DOK6: variants seen among roughly 807,000 people sequenced by gnomAD.
DOK6 encodes docking protein 6, also known as downstream of tyrosine kinase 6.
DOK6 carries 22 observed loss-of-function variants against 44.0 expected under a neutral mutation model. The observed-to-expected ratio is 0.50, with a 90% CI of 0.36 to 0.71. DOK6 has a LOEUF of 0.71. Among genes scored for constraint, DOK6 ranks in the 30% least tolerant of loss-of-function variants. The pLI is 0.00. For missense variants in DOK6, 340 were observed against 416.4 expected (o/e 0.82, Z 1.60); for synonymous variants, 166 against 145.5 (o/e 1.14, Z -1.01).
chr18:69,576,648 G>A (rs940994798), intron 2 of DOK6, among the ~76,000 whole-genome samples: 2 of 152,084 alleles, frequency 1.3e-5, no homozygotes, highest in South Asian at 2.1e-4. Flanking sequence ...CTATAAAATG[G>A]TATATACTTT....
intron 1 of DOK6, among the ~76,000 whole-genome samples, chr18:69,475,651 A>T (rs1024088273): frequency 1.3e-5 from 2 of 152,192 alleles, no homozygotes; most frequent in African/African-American, 4.8e-5. Context: ...CAAGCTATGT[A>T]TCTTGAAAAT....
rs114046488 is a variant in DOK6 at position 69,528,849 on chromosome 18, C to A, written c.67-35638C>A. Among the ~76,000 whole-genome samples the A allele has an allele frequency of 3.9e-3, 590 of 152,276 alleles. 5 individuals are homozygous for A. Among genetic ancestry groups the A allele is most frequent in the African/African-American group, 0.013 (556 of 41,550 alleles). On this transcript the variant is annotated intron_variant, in intron 1 of 7. Transcript: ENST00000382713. ...TGCTTATGTTTTTACTGAGTCTCACCTTTTGCTAAACAAGGTGAAAACAGA... is the reference window on the plus strand; with the variant it reads ...TGCTTATGTTTTTACTGAGTCTCACATTTTGCTAAACAAGGTGAAAACAGA...
At chr18:69,626,083 A>T (rs886846182) in intron 3 of DOK6, among the ~76,000 whole-genome samples, 6 of 152,244 alleles carry the variant, frequency 3.9e-5, no homozygotes, top group African/African-American at 1.4e-4. Flanking sequence ...ATTCCCAAGC[A>T]GAGAAACTTA....
chr18:69,779,922 T>C (rs1157470441), intron 7 of DOK6, among the ~76,000 whole-genome samples: 1 of 152,100 alleles, frequency 6.6e-6, no homozygotes, highest in African/African-American at 2.4e-5. Flanking sequence ...CACAGTTTCA[T>C]GAAAAAAATA....
At position 69,666,067 on chromosome 18, in the gene DOK6, C is replaced by T. The variant is rs569625289; in HGVS notation, c.290-11667C>T. On this transcript the variant is annotated intron_variant, in intron 3 of 7. Coordinates refer to ENST00000382713, the MANE Select transcript of DOK6 (RefSeq NM_152721.6). ...TTTTATTGGTATTGACTTGGAGTTGCGAAGCAGTTGCCTTTTTCAACCTCG... is the reference window on the plus strand; with the variant it reads ...TTTTATTGGTATTGACTTGGAGTTGTGAAGCAGTTGCCTTTTTCAACCTCG... 3.3e-5 allele frequency among the ~76,000 whole-genome samples: 5 copies of T among 152,252 alleles called. No individual in the cohort carries two copies. In the South Asian group the frequency reaches 8.3e-4, roughly 25 times the overall value.
chr18:69,463,294 G>A (rs536071051), intron 1 of DOK6, among the ~76,000 whole-genome samples: 10 of 151,662 alleles, frequency 6.6e-5, no homozygotes, highest in African/African-American at 1.5e-4. Context: ...CAGCATCACC[G>A]TGGCGATTAG....
chr18:69,511,703 G>A (rs1334730990), intron 1 of DOK6, among the ~76,000 whole-genome samples: 2 of 152,168 alleles, frequency 1.3e-5, no homozygotes, highest in East Asian at 3.8e-4. Context: ...CATCCCATCT[G>A]TAAATTTATA....
intron 7 of DOK6, among the ~76,000 whole-genome samples, chr18:69,840,474 C>A (rs941688687): frequency 1.3e-5 from 2 of 152,236 alleles, no homozygotes; most frequent in African/African-American, 2.4e-5. Flanking sequence ...GCATGCGTTT[C>A]TCTGTACATT....
chr18:69,625,501 T>C (rs537561129), intron 3 of DOK6, among the ~76,000 whole-genome samples: 5 of 152,322 alleles, frequency 3.3e-5, no homozygotes, highest in African/African-American at 1.2e-4. Flanking sequence ...AGATACATCA[T>C]GTCTATTATT....
chr18:69,629,785 T>G (rs1433672591), intron 3 of DOK6, among the ~76,000 whole-genome samples: 4 of 151,744 alleles, frequency 2.6e-5, no homozygotes, highest in Non-Finnish European at 4.4e-5. Flanking sequence ...GTTTGTTTGT[T>G]TTTGTTTGTT....
At chr18:69,750,151 G>A (rs1979128604) in intron 6 of DOK6, among the ~76,000 whole-genome samples, 1 of 151,082 alleles carries the variant, frequency 6.6e-6, no homozygotes, top group Non-Finnish European at 1.5e-5. Flanking sequence ...AGATATTAAT[G>A]GATGATGAAC....
chr18:69,576,293 T>C (rs1248877267), intron 2 of DOK6, among the ~76,000 whole-genome samples: 3 of 152,154 alleles, frequency 2.0e-5, no homozygotes, highest in Non-Finnish European at 4.4e-5. Context: ...AACTGTTCTA[T>C]TTGTGAGTGT....
intron 5 of DOK6, among the ~76,000 whole-genome samples, chr18:69,712,483 C>A (rs557868469): frequency 6.6e-6 from 1 of 151,936 alleles, no homozygotes; most frequent in South Asian, 2.1e-4. Context: ...GAAAGAACAC[C>A]TAGACAGATA....
chr18:69,575,052 C>T (rs561732861), intron 2 of DOK6, among the ~76,000 whole-genome samples: 1 of 152,066 alleles, frequency 6.6e-6, no homozygotes, highest in East Asian at 1.9e-4. Flanking sequence ...CCTAGGCTTC[C>T]CTACTGCACA....
chr18:69,696,468 A>G (rs1433889943), intron 4 of DOK6, among the ~76,000 whole-genome samples: 2 of 152,216 alleles, frequency 1.3e-5, no homozygotes, highest in Non-Finnish European at 2.9e-5. Flanking sequence ...ATTTAGTGGC[A>G]TTTTGGCAAT....
intron 7 of DOK6, among the ~76,000 whole-genome samples, chr18:69,831,677 T>A (rs1285612419): frequency 6.6e-6 from 1 of 152,118 alleles, no homozygotes; most frequent in Non-Finnish European, 1.5e-5. Flanking sequence ...ACAAATCTAC[T>A]TAAGGTCATG....
At chr18:69,776,445 T>C (rs1599319700) in intron 7 of DOK6, among the ~76,000 whole-genome samples, 2 of 152,034 alleles carry the variant, frequency 1.3e-5, no homozygotes, top group African/African-American at 4.8e-5. Flanking sequence ...ACTTATTACA[T>C]ATTGGAACTA....
intron 1 of DOK6, among the ~76,000 whole-genome samples, chr18:69,501,766 T>C (rs559804176): frequency 2.6e-5 from 4 of 152,306 alleles, no homozygotes; most frequent in African/African-American, 4.8e-5. Context: ...ATTTTTTAAA[T>C]TTCCCACTGA....
intron 1 of DOK6, among the ~76,000 whole-genome samples, chr18:69,556,867 AC>A (rs1245426800): frequency 2.6e-5 from 4 of 152,248 alleles, no homozygotes; most frequent in African/African-American, 9.6e-5. Context: ...CTGTGCACTG[AC>A]TACTTTTTTA....
Sources: gnomAD v4.1 joint callset for allele counts (sites outside exome capture counted in the v4.1 genomes callset) on GRCh38, gnomAD v4.1.1 for gene constraint, MANE v1.5 for transcripts, NCBI Gene and HGNC (gene_info 2026-07-23, HGNC 2026-07-21) for gene names.